RAP1B: variants seen among roughly 807,000 people sequenced by gnomAD.
The protein encoded by RAP1B is RAP1B, member of RAS oncogene family.
In RAP1B, 1 loss-of-function variant was observed where a neutral mutation model predicts 27.5. The ratio of observed to expected loss-of-function variants is 0.04; its 90% confidence interval spans 0.01 to 0.17. The LOEUF (loss-of-function observed/expected upper bound fraction) is 0.17. Among genes scored for constraint, RAP1B ranks in the 10% least tolerant of loss-of-function variants. The pLI is 1.00. For missense variants in RAP1B, 84 were observed against 214.8 expected (o/e 0.39, Z 3.81); for synonymous variants, 75 against 73.1 (o/e 1.03, Z -0.13).
intron 5 of RAP1B, among the ~76,000 whole-genome samples, chr12:68,656,034 T>C (rs1322123092): frequency 6.6e-6 from 1 of 152,252 alleles, no homozygotes; most frequent in Non-Finnish European, 1.5e-5. Context: ...ACTTAACATA[T>C]GAGAGTTTTC....
Position 68,667,820 on chromosome 12 carries a change from T to G in RAP1B, c.*8571T>G, listed in dbSNP as rs1874917822. The G allele has an allele frequency of 6.6e-6, 1 of 152,222 alleles. No homozygotes were observed. Among genetic ancestry groups the G allele is most frequent in the Non-Finnish European group, 1.5e-5 (1 of 68,044 alleles). 9.4% of individuals were successfully genotyped at this position (152,222 alleles called of 1,614,324 possible). ...TTTCAACGGGAGATTTATAAGTCTATTTTGTTAGAATAAAAAGCAATAATA... is the reference window on the plus strand; with the variant it reads ...TTTCAACGGGAGATTTATAAGTCTAGTTTGTTAGAATAAAAAGCAATAATA... On this transcript the variant is annotated 3_prime_UTR_variant, in exon 8 of 8. Transcript: ENST00000250559.
At chr12:68,648,050 TTCTG>T (rs760987361) in intron 1 of RAP1B, 2 of 152,264 alleles carry the variant, frequency 1.3e-5, no homozygotes. Flanking sequence ...CTTGAAGACC[TTCTG>T]TCTATTGTTC....
chr12:68,642,430 G>A (rs1873081219), intron 1 of RAP1B: 1 of 603,982 alleles, frequency 1.7e-6, no homozygotes, highest in Middle Eastern at 5.1e-4. Flanking sequence ...TAAAATTATG[G>A]TGCTATTGGT....
chr12:68,646,009 C>G (rs1873377982), intron 1 of RAP1B, among the ~76,000 whole-genome samples: 1 of 152,062 alleles, frequency 6.6e-6, no homozygotes, highest in African/African-American at 2.4e-5. Flanking sequence ...ATGGATGAAC[C>G]TGACTCATTC....
In RAP1B at chr12:68,666,882, T is replaced by C. The variant is rs1874877072; in HGVS notation, c.*7633T>C. Reference sequence around the variant, plus strand: ...ACCTAGGAAAGCCCCAGAATTAAGCTACTCTACAAGGATTCTGAGGGAAGT... The same window carrying C: ...ACCTAGGAAAGCCCCAGAATTAAGCCACTCTACAAGGATTCTGAGGGAAGT... On this transcript the variant is annotated 3_prime_UTR_variant, in exon 8 of 8. Coordinates refer to ENST00000250559, the MANE Select transcript of RAP1B (RefSeq NM_001010942.3). The C allele has an allele frequency of 6.6e-6, 1 of 152,160 alleles. No individual in the cohort carries two copies. The highest frequency in any genetic ancestry group is 1.5e-5 in the Non-Finnish European group (1 of 68,032). 9.4% of individuals were successfully genotyped at this position (152,160 alleles called of 1,614,324 possible).
At chr12:68,650,336 T>C (rs919886210) in intron 2 of RAP1B, 64 bp from the exon 3 acceptor site, 4 of 1,395,248 alleles carry the variant, frequency 2.9e-6, no homozygotes, top group Non-Finnish European at 3.8e-6. Context: ...AGTTTACAAT[T>C]ACATTAAAGA....
intron 1 of RAP1B, among the ~76,000 whole-genome samples, chr12:68,616,943 T>C (rs867088909): frequency 6.6e-6 from 1 of 152,180 alleles, no homozygotes; most frequent in Non-Finnish European, 1.5e-5. Context: ...TCTACCTGTT[T>C]CCTTTTTCTT....
At position 68,656,448 on chromosome 12, in the gene RAP1B, A is replaced by C; in HGVS notation, c.467A>C (p.Glu156Ala). The C allele has an allele frequency of 6.2e-7, 1 of 1,607,198 alleles. No individual in the cohort carries two copies. Among genetic ancestry groups the C allele is most frequent in the Non-Finnish European group, 8.5e-7 (1 of 1,173,912 alleles). Reference sequence around the variant, plus strand: ...GCAAAATCAAAAATAAATGTTAATGAGGTATGGTCAAATATACTTAAAATG... The same window carrying C: ...GCAAAATCAAAAATAAATGTTAATGCGGTATGGTCAAATATACTTAAAATG... ...SSAKSKINVN[E>A]IFYDLVRQIN... Residue 156 changes from glutamate to alanine, a missense_variant and splice_region_variant, in exon 6 of 8, where the codon GAG becomes GCG. By Grantham distance (107) the Glu-to-Ala change is moderately radical. Transcript: ENST00000250559.
chr12:68,650,304 G>A (rs1318064624), intron 2 of RAP1B, 96 bp from the exon 3 acceptor site: 1 of 1,169,818 alleles, frequency 8.5e-7, no homozygotes, highest in Non-Finnish European at 1.2e-6. Flanking sequence ...TTCATTGATG[G>A]TGTAACTCCC....
At chr12:68,637,739 T>A (rs961880365) in intron 1 of RAP1B, among the ~76,000 whole-genome samples, 15 of 151,614 alleles carry the variant, frequency 9.9e-5, no homozygotes, top group Admixed American at 7.9e-4. Flanking sequence ...CCAAAGATGA[T>A]ACAGTATTTA....
intron 1 of RAP1B, among the ~76,000 whole-genome samples, chr12:68,644,175 A>G (rs1185935670): frequency 6.6e-6 from 1 of 152,190 alleles, no homozygotes; most frequent in African/African-American, 2.4e-5. Context: ...AAAGAGGGCT[A>G]TTTCCCAGTC....
chr12:68,654,801 T>G (rs1302087275), intron 5 of RAP1B, among the ~76,000 whole-genome samples: 1 of 152,162 alleles, frequency 6.6e-6, no homozygotes, highest in Non-Finnish European at 1.5e-5. Context: ...TAGGTGCCCC[T>G]TCAGAGTCTA....
intron 1 of RAP1B, among the ~76,000 whole-genome samples, chr12:68,620,250 A>G (rs1411298768): frequency 2.0e-5 from 3 of 147,950 alleles, no homozygotes; most frequent in African/African-American, 5.0e-5. Context: ...GAGTCTCTCT[A>G]TTGTCACCCA....
Position 68,657,191 on chromosome 12 carries a change from A to G in RAP1B, c.*4A>G, listed in dbSNP as rs201781080. ...GTCATCATGTCAGCTGCTTTAATAT[A>G]CTAAATGCATTGTAGCTCTGAGCCA... On this transcript the variant is annotated 3_prime_UTR_variant, in exon 7 of 8. Coordinates refer to ENST00000250559, the MANE Select transcript of RAP1B (RefSeq NM_001010942.3). The G allele has an allele frequency of 8.6e-4, 1,377 of 1,600,284 alleles. No individual in the cohort carries two copies. The highest frequency in any genetic ancestry group is 1.0e-3 in the Non-Finnish European group (1,219 of 1,167,800).
intron 1 of RAP1B, among the ~76,000 whole-genome samples, chr12:68,646,521 C>T (rs967391314): frequency 6.6e-6 from 1 of 152,158 alleles, no homozygotes; most frequent in African/African-American, 2.4e-5. Context: ...AACTCCTGAC[C>T]TTGTGATCCG....
chr12:68,651,154 T>A (rs1207821818), intron 3 of RAP1B, among the ~76,000 whole-genome samples: 2 of 152,230 alleles, frequency 1.3e-5, no homozygotes, highest in Non-Finnish European at 2.9e-5. Context: ...GCTCAAAAAC[T>A]TTTGGATTTG....
In RAP1B at chr12:68,650,401, C is replaced by A; in HGVS notation, c.59C>A (p.Thr20Asn). 2 of 1,543,654 alleles carry A rather than the reference C, an allele frequency of 1.3e-6. No homozygotes were observed. Among genetic ancestry groups the A allele is most frequent in the Admixed American group, 2.0e-5 (1 of 49,290 alleles). ...ATGGTTTCTTAATTTTTTTTTCAGA[C>A]TGTACAATTTGTTCAAGGAATTTTT... ...GSGGVGKSALTVQFVQGIFVE... is the reference protein window; with the variant it reads ...GSGGVGKSALNVQFVQGIFVE... The change falls in exon 3 of 8, where the codon ACT becomes AAT. Residue 20 changes from threonine to asparagine, a missense_variant and splice_region_variant. Physicochemically the swap from Thr to Asn is moderately conservative, Grantham distance 65. Transcript: ENST00000250559.
intron 1 of RAP1B, among the ~76,000 whole-genome samples, chr12:68,636,722 GC>G (rs1872654048): frequency 1.4e-5 from 2 of 142,544 alleles, no homozygotes; most frequent in Non-Finnish European, 3.1e-5. Context: ...GCCTATCCCT[GC>G]TGTTTTTTTT....
At chr12:68,627,945 T>TA (rs1871930484) in intron 1 of RAP1B, among the ~76,000 whole-genome samples, 1 of 151,522 alleles carries the variant, frequency 6.6e-6, no homozygotes, top group African/African-American at 2.4e-5. Context: ...TGCAAAAAAT[T>TA]TAAAAAAAAA....
Sources: allele counts gnomAD v4.1 joint callset (sites outside exome capture counted in the v4.1 genomes callset), GRCh38; gene constraint gnomAD v4.1.1; transcripts MANE v1.5; gene names NCBI Gene and HGNC (gene_info 2026-07-23, HGNC 2026-07-21).